IQGAP2: variants seen among roughly 807,000 people sequenced by gnomAD.
IQGAP2 encodes ras GTPase-activating-like protein IQGAP2.
A neutral mutation model predicts 201.3 loss-of-function variants in IQGAP2; 173 were observed. The observed-to-expected ratio is 0.86, with a 90% CI of 0.76 to 0.98. The LOEUF is 0.98. Ranked by LOEUF, IQGAP2 falls within the 50% of genes least tolerant of loss-of-function variation. The probability of loss-of-function intolerance (pLI) is 0.00; values close to 1 mark genes in which losing one functional copy is unlikely to be tolerated. For synonymous variants in IQGAP2, 675 were observed against 673.9 expected (o/e 1.00, Z -0.03); for missense variants, 1,687 against 1,864.8 (o/e 0.90, Z 1.76).
rs557253634 is a variant in IQGAP2, at chr5:76,450,668, T to G, written c.47-10902T>G. On this transcript the variant is annotated intron_variant, in intron 1 of 35. Coordinates refer to ENST00000274364, the MANE Select transcript of IQGAP2 (RefSeq NM_006633.5). ...TTGGTTCAAGTCTTGCTGCTTGCTGTTGGCACCATATGCAGTGTTTTATGA... is the reference window on the plus strand; with the variant it reads ...TTGGTTCAAGTCTTGCTGCTTGCTGGTGGCACCATATGCAGTGTTTTATGA... 1.2e-4 allele frequency among the ~76,000 whole-genome samples: 18 copies of G among 152,322 alleles called. 1 individual carries two copies. Among genetic ancestry groups the G allele is most frequent in the Admixed American group, 9.2e-4 (14 of 15,298 alleles).
chr5:76,430,421 C>T (rs988253606), intron 1 of IQGAP2, among the ~76,000 whole-genome samples: 3 of 152,174 alleles, frequency 2.0e-5, no homozygotes, highest in East Asian at 1.9e-4. Context: ...AGAGCATCTG[C>T]GAGTTGACCC....
chr5:76,488,872 T>C (rs1325208037), intron 2 of IQGAP2, among the ~76,000 whole-genome samples: 5 of 152,166 alleles, frequency 3.3e-5, no homozygotes, highest in Admixed American at 6.5e-5. Flanking sequence ...TGGGAGCTAA[T>C]AAATATCATA....
chr5:76,596,798 C>T (rs1340847093), intron 9 of IQGAP2, among the ~76,000 whole-genome samples: 2 of 152,204 alleles, frequency 1.3e-5, no homozygotes, highest in Non-Finnish European at 2.9e-5. Flanking sequence ...CAGATCCCTC[C>T]TCCAACATTG....
intron 15 of IQGAP2, among the ~76,000 whole-genome samples, chr5:76,634,659 A>G (rs745879380): frequency 2.0e-5 from 3 of 152,178 alleles, no homozygotes. Context: ...AGATAGAGCT[A>G]TGAGCATTGT....
chr5:76,442,321 C>T (rs1753092919), intron 1 of IQGAP2, among the ~76,000 whole-genome samples: 2 of 152,162 alleles, frequency 1.3e-5, no homozygotes, highest in Admixed American at 1.3e-4. Flanking sequence ...TACTTAACTT[C>T]TAATAGTCTG....
chr5:76,661,448 A>C lies in IQGAP2; in HGVS notation c.2529+2781A>C, dbSNP rs779652939. On this transcript the variant is annotated intron_variant, in intron 21 of 35. Coordinates refer to ENST00000274364, the MANE Select transcript of IQGAP2 (RefSeq NM_006633.5). ...ATTAAGAGACTGAAGCTAATCTAAA[A>C]CTAGTGCTAAAATTCCCATTCATGA... Among the ~76,000 whole-genome samples the C allele has an allele frequency of 3.3e-4, 51 of 152,280 alleles. 1 individual carries two copies. In the Middle Eastern group the frequency reaches 0.01, roughly 30 times the overall value.
At chr5:76,500,086 T>G (rs888170767) in intron 2 of IQGAP2, among the ~76,000 whole-genome samples, 3 of 152,110 alleles carry the variant, frequency 2.0e-5, no homozygotes, top group Non-Finnish European at 4.4e-5. Context: ...CCAACCTAGG[T>G]GACAGAGAGA....
chr5:76,533,960 G>C (rs116652414), intron 2 of IQGAP2, among the ~76,000 whole-genome samples: 1 of 152,084 alleles, frequency 6.6e-6, no homozygotes, highest in African/African-American at 2.4e-5. Context: ...TTTAACTTTG[G>C]GAAATTGGAC....
At chr5:76,467,580 A>C (rs1447896868) in intron 2 of IQGAP2, among the ~76,000 whole-genome samples, 3 of 152,244 alleles carry the variant, frequency 2.0e-5, no homozygotes, top group African/African-American at 7.2e-5. Flanking sequence ...ATAGTCTGGC[A>C]GCTCTTTAAA....
At chr5:76,428,032 C>CT (rs1260411915) in intron 1 of IQGAP2, among the ~76,000 whole-genome samples, 2 of 152,030 alleles carry the variant, frequency 1.3e-5, no homozygotes, top group Non-Finnish European at 2.9e-5. Flanking sequence ...AGACAGATGG[C>CT]TGCACCCTCT....
chr5:76,697,436 G>C (rs1306172534), intron 32 of IQGAP2, among the ~76,000 whole-genome samples: 1 of 152,160 alleles, frequency 6.6e-6, no homozygotes, highest in Non-Finnish European at 1.5e-5. Flanking sequence ...TTGAGGTCAG[G>C]AGTTCAAGAC....
In IQGAP2 at chr5:76,637,208, C is replaced by T. The variant is rs757648569; in HGVS notation, c.1923+32C>T. On this transcript the variant is annotated intron_variant, in intron 16 of 35. Transcript: ENST00000274364. ...GGTTGGTGTTTGATGGATAACTCTA[C>T]TGTATAAAGTTAAATTTGACTGGTT... 4.5e-6 allele frequency: 7 copies of T among 1,540,100 alleles called. No individual in the cohort carries two copies. In the South Asian group the frequency reaches 7.3e-5, roughly 16 times the overall value.
chr5:76,498,692 A>G (rs1757116239), intron 2 of IQGAP2, among the ~76,000 whole-genome samples: 1 of 152,136 alleles, frequency 6.6e-6, no homozygotes, highest in Non-Finnish European at 1.5e-5. Context: ...GCAGCTACTG[A>G]TGTGGTTTAT....
At chr5:76,482,699 G>A (rs1755860184) in intron 2 of IQGAP2, among the ~76,000 whole-genome samples, 1 of 152,194 alleles carries the variant, frequency 6.6e-6, no homozygotes, top group South Asian at 2.1e-4. Flanking sequence ...TACAGCTGCA[G>A]AAACAATAGA....
intron 13 of IQGAP2, among the ~76,000 whole-genome samples, chr5:76,626,604 T>C (rs1750261973): frequency 6.6e-6 from 1 of 152,104 alleles, no homozygotes; most frequent in African/African-American, 2.4e-5. Flanking sequence ...TTACACTACA[T>C]TGTTAGGTCC....
intron 13 of IQGAP2, among the ~76,000 whole-genome samples, chr5:76,619,605 C>T (rs1304538597): frequency 1.3e-5 from 2 of 150,898 alleles, no homozygotes; most frequent in Non-Finnish European, 2.9e-5. Flanking sequence ...CAACCTCCGC[C>T]TCCCGGGTTC....
Position 76,640,915 on chromosome 5 carries a change from A to C in IQGAP2, c.1924-18A>C. ...AGCTGATGTGTGAAGTGTAACCATA[A>C]GAAATATCTCTTGCCAGGACATTAT... On this transcript the variant is annotated intron_variant, in intron 16 of 35. Coordinates refer to ENST00000274364, the MANE Select transcript of IQGAP2 (RefSeq NM_006633.5). 10 of 1,557,558 alleles carry C rather than the reference A, an allele frequency of 6.4e-6. No individual in the cohort carries two copies. Among genetic ancestry groups the C allele is most frequent in the Non-Finnish European group, 8.8e-6 (10 of 1,139,506 alleles).
At chr5:76,442,917 G>A (rs1580200205) in intron 1 of IQGAP2, among the ~76,000 whole-genome samples, 1 of 152,208 alleles carries the variant, frequency 6.6e-6, no homozygotes, top group Non-Finnish European at 1.5e-5. Context: ...AACCTGGGAG[G>A]CAGAGGTTGC....
intron 2 of IQGAP2, among the ~76,000 whole-genome samples, chr5:76,486,838 G>C (rs1322706266): frequency 6.6e-6 from 1 of 152,108 alleles, no homozygotes; most frequent in Middle Eastern, 3.2e-3. Context: ...TAAGTAATAA[G>C]TGAACTGTTT....
Sources: allele counts gnomAD v4.1 joint callset (sites outside exome capture counted in the v4.1 genomes callset), GRCh38; gene constraint gnomAD v4.1.1; transcripts MANE v1.5; gene names NCBI Gene and HGNC (gene_info 2026-07-23, HGNC 2026-07-21).